Variants in CNKSR2 observed in about 807,000 individuals in gnomAD.
CNKSR2 encodes the protein connector enhancer of kinase suppressor of Ras 2.
A neutral mutation model predicts 84.4 loss-of-function variants in CNKSR2; 14 were observed. That is an observed-to-expected ratio of 0.17 (90% CI 0.11 to 0.26). The LOEUF (loss-of-function observed/expected upper bound fraction) is 0.26, where lower values mean the gene tolerates loss of function less well. Among genes scored for constraint, CNKSR2 ranks in the 10% least tolerant of loss-of-function variants. The pLI, the probability that CNKSR2 is intolerant of heterozygous loss-of-function variation, is 1.00. For missense variants in CNKSR2, 485 were observed against 771.2 expected, an observed-to-expected ratio of 0.63 and a Z score of 4.40; for synonymous variants, 275 against 277.9, an observed-to-expected ratio of 0.99 and a Z score of 0.10.
At chrX:21,483,287 A>G (rs1171113591) in intron 5 of CNKSR2, among the ~76,000 whole-genome samples, 5 of 110,904 alleles carry the variant, frequency 4.5e-5, no homozygotes, top group Non-Finnish European at 7.5e-5. Flanking sequence ...GAAGCTGGAA[A>G]CCATCATTCT....
chrX:21,475,025 C>T (rs1258269794), intron 5 of CNKSR2, among the ~76,000 whole-genome samples: 2 of 111,546 alleles, frequency 1.8e-5, no homozygotes, highest in Non-Finnish European at 3.8e-5. Context: ...AAAAGTAGTA[C>T]TAAAATATCC....
Position 21,488,615 on chromosome X carries a change from A to G in CNKSR2, c.562-1844A>G, listed in dbSNP as rs756203754. Among the ~76,000 whole-genome samples the G allele has an allele frequency of 2.7e-5, 3 of 111,847 alleles. No homozygotes were observed. In the South Asian group the frequency reaches 1.1e-3, roughly 43 times the overall value. On this transcript the variant is annotated intron_variant, in intron 5 of 21. Coordinates refer to ENST00000379510, the MANE Select transcript of CNKSR2 (RefSeq NM_014927.5). Reference sequence around the variant, plus strand: ...ACTAGCACAATTAGCGAAATTTAGCATGACAGTTTCTTTAGTGTAAAGAAT... The same window carrying G: ...ACTAGCACAATTAGCGAAATTTAGCGTGACAGTTTCTTTAGTGTAAAGAAT...
At chrX:21,586,755 G>T (rs1202203426) in intron 13 of CNKSR2, among the ~76,000 whole-genome samples, 1 of 111,105 alleles carries the variant, frequency 9.0e-6, no homozygotes, top group African/African-American at 3.3e-5. Context: ...TAAAATATAT[G>T]AAATAAACAC....
At chrX:21,398,039 T>C (rs1168957486) in intron 1 of CNKSR2, among the ~76,000 whole-genome samples, 3 of 111,873 alleles carry the variant, frequency 2.7e-5, no homozygotes, top group Non-Finnish European at 5.7e-5. Flanking sequence ...TTCTGATTTC[T>C]GTCTCTTTCC....
chrX:21,572,012 G>A (rs1270064302), intron 13 of CNKSR2, among the ~76,000 whole-genome samples: 11 of 111,933 alleles, frequency 9.8e-5, no homozygotes, highest in Admixed American at 9.5e-5. Context: ...CCCAATCAAG[G>A]TACATTTAGA....
intron 7 of CNKSR2, among the ~76,000 whole-genome samples, chrX:21,499,379 A>G (rs764824270): frequency 9.0e-6 from 1 of 111,420 alleles, no homozygotes; most frequent in Non-Finnish European, 1.9e-5. Flanking sequence ...ATTTGCATGG[A>G]TGGACAAAGG....
chrX:21,552,242 C>T (rs2092100130), intron 11 of CNKSR2, among the ~76,000 whole-genome samples: 1 of 111,219 alleles, frequency 9.0e-6, no homozygotes, highest in Non-Finnish European at 1.9e-5. Context: ...TGAAAGATAG[C>T]CTATGGAAGA....
chrX:21,489,216 A>G (rs1176355280), intron 5 of CNKSR2, among the ~76,000 whole-genome samples: 2 of 111,255 alleles, frequency 1.8e-5, no homozygotes, highest in African/African-American at 6.6e-5. Flanking sequence ...CTGTACTCCA[A>G]TCACCATGGG....
intron 5 of CNKSR2, among the ~76,000 whole-genome samples, chrX:21,474,307 C>T (rs1293735149): frequency 9.0e-6 from 1 of 111,313 alleles, no homozygotes; most frequent in Non-Finnish European, 1.9e-5. Context: ...GGCTCGAATG[C>T]AGATAGTTTG....
chrX:21,538,765 C>T (rs182612968), intron 11 of CNKSR2: 2 of 112,478 alleles, frequency 1.8e-5, no homozygotes, highest in Admixed American at 9.4e-5. Flanking sequence ...ACTGGCAAAC[C>T]GCTGATAAAA....
chrX:21,606,478 T>A (rs2092517522), intron 18 of CNKSR2: 1 of 196,068 alleles, frequency 5.1e-6, no homozygotes, highest in Admixed American at 7.4e-5. Context: ...GGGTCTGAAA[T>A]CTGAGGTACC....
chrX:21,382,209 A>C, intron 1 of CNKSR2, among the ~76,000 whole-genome samples: 1 of 112,151 alleles, frequency 8.9e-6, no homozygotes, highest in East Asian at 2.8e-4. Context: ...GCCAGAATAC[A>C]GTAGAAGTAG....
intron 1 of CNKSR2, among the ~76,000 whole-genome samples, chrX:21,414,325 C>T (rs1050487670): frequency 5.4e-5 from 6 of 111,101 alleles, no homozygotes; most frequent in South Asian, 7.6e-4. Context: ...TGGTCAGTGA[C>T]GCTGCATACC....
At position 21,578,522 on chromosome X, in the gene CNKSR2, G is replaced by GT. The variant is rs767688314; in HGVS notation, c.1609-12049dup. ...ATTTCTGAACCTCAGTTTCTCATAG[G>GT]TAAAAAGAGGATAAGACTACTTACC... On this transcript the variant is annotated intron_variant, in intron 13 of 21. Transcript: ENST00000379510. 5.8e-5 allele frequency among the ~76,000 whole-genome samples: 6 copies of GT among 104,346 alleles called. No homozygotes were observed. The East Asian group carries it at 1.8e-3, about 31-fold the overall frequency. The allele number at this position is 104,346 out of a possible 115,157, so 90.6% of individuals were successfully genotyped here. A position where few individuals can be genotyped will look rare whatever the true frequency, so the allele number is the denominator to read the frequency against.
At chrX:21,611,504 T>A (rs2092549899) in intron 20 of CNKSR2, among the ~76,000 whole-genome samples, 1 of 112,430 alleles carries the variant, frequency 8.9e-6, no homozygotes, top group African/African-American at 3.2e-5. Context: ...AGCAAGCGTG[T>A]CCTAAGACAT....
intron 1 of CNKSR2, among the ~76,000 whole-genome samples, chrX:21,410,880 G>A (rs1045969571): frequency 9.2e-5 from 10 of 108,635 alleles, no homozygotes; most frequent in Non-Finnish European, 1.5e-4. Flanking sequence ...GGGCAAATGT[G>A]TGTTTGTGTG....
At chrX:21,578,549 G>GTT (rs199558488) in intron 13 of CNKSR2, among the ~76,000 whole-genome samples, 321 of 83,077 alleles carry the variant, frequency 3.9e-3, no homozygotes, top group African/African-American at 8.9e-3. Flanking sequence ...CTACTTACCT[G>GTT]TTTTTTTTTT....
chrX:21,443,159 A>C (rs767025102), intron 4 of CNKSR2, among the ~76,000 whole-genome samples: 3 of 111,890 alleles, frequency 2.7e-5, no homozygotes, highest in African/African-American at 3.2e-5. Context: ...AAGTTAAAAA[A>C]AGTAAAATAA....
chrX:21,595,615 T>C (rs1340746716), intron 17 of CNKSR2, among the ~76,000 whole-genome samples: 1 of 111,300 alleles, frequency 9.0e-6, no homozygotes, highest in Non-Finnish European at 1.9e-5. Flanking sequence ...ACCAAGACCA[T>C]ATACAGACCC....
Sources: allele counts gnomAD v4.1 joint callset (sites outside exome capture counted in the v4.1 genomes callset), GRCh38; gene constraint gnomAD v4.1.1; transcripts MANE v1.5; gene names NCBI Gene and HGNC (gene_info 2026-07-23, HGNC 2026-07-21).